CACNA1B: variants seen among roughly 807,000 people sequenced by gnomAD.
The protein encoded by CACNA1B is calcium voltage-gated channel subunit alpha1 B, also known as voltage-dependent N-type calcium channel subunit alpha-1B.
In CACNA1B, 70 loss-of-function variants were observed where a neutral mutation model predicts 247.2. The ratio of observed to expected loss-of-function variants is 0.28; its 90% CI spans 0.23 to 0.35. The LOEUF (loss-of-function observed/expected upper bound fraction) is 0.35. Ranked by LOEUF, CACNA1B falls within the 10% of genes least tolerant of loss-of-function variation. The pLI, the probability that CACNA1B is intolerant of heterozygous loss-of-function variation, is 1.00. For missense variants in CACNA1B, 2,367 were observed against 3,197.4 expected (o/e 0.74, Z 6.26); for synonymous variants, 1,231 against 1,294.4 (o/e 0.95, Z 1.05).
intron 6 of CACNA1B, among the ~76,000 whole-genome samples, chr9:137,951,882 T>C (rs1957881555): frequency 6.6e-6 from 1 of 152,202 alleles, no homozygotes; most frequent in Non-Finnish European, 1.5e-5. Flanking sequence ...AGGACATGGC[T>C]TTGGAGCTGC....
At chr9:138,093,839 G>A (rs1209490435) in intron 36 of CACNA1B, among the ~76,000 whole-genome samples, 1 of 152,156 alleles carries the variant, frequency 6.6e-6, no homozygotes, top group African/African-American at 2.4e-5. Context: ...ACTGTAAAAT[G>A]GTGGTGTGGA....
chr9:138,113,970 T>A (rs1386134185), intron 40 of CACNA1B, among the ~76,000 whole-genome samples: 15 of 94,204 alleles, frequency 1.6e-4, no homozygotes, highest in South Asian at 3.4e-4. Flanking sequence ...GCCCAACTCC[T>A]CCTTGTGGGA....
chr9:137,951,307 C>G (rs1957875369), intron 6 of CACNA1B, among the ~76,000 whole-genome samples: 1 of 152,234 alleles, frequency 6.6e-6, no homozygotes, highest in South Asian at 2.1e-4. Context: ...AGCTTCAGTC[C>G]ATGCAGGGGT....
Position 138,051,673 on chromosome 9 carries a change from T to C in CACNA1B, c.3711-419T>C, listed in dbSNP as rs1959285885. Among the ~76,000 whole-genome samples, 1 of 152,018 alleles carries C rather than the reference T, an allele frequency of 6.6e-6. No individual in the cohort carries two copies. Among genetic ancestry groups the C allele is most frequent in the Non-Finnish European group, 1.5e-5 (1 of 68,000 alleles). On this transcript the variant is annotated intron_variant, in intron 24 of 46. Coordinates refer to ENST00000371372, the MANE Select transcript of CACNA1B (RefSeq NM_000718.4). This position sits in a 1 kb window ranked among gnomAD's most constrained non-coding sequence, Gnocchi z 4.3. ...GCCAGACAGGTCCCCTTTACCTCCC[T>C]CTAGCCAGCCCAAAAAGCAAGGAAA...
rs1478897372 is a variant in CACNA1B, at chr9:137,882,380, C to T, written c.391-364C>T. 2.6e-5 allele frequency among the ~76,000 whole-genome samples: 4 copies of T among 152,202 alleles called. No homozygotes were observed. The highest frequency in any genetic ancestry group is 4.4e-5 in the Non-Finnish European group (3 of 68,046). ...GCACCCACAACTAGTACTGTTACATCACTGTCTTCCCCGAAGCAAGGCCCA... is the reference window on the plus strand; with the variant it reads ...GCACCCACAACTAGTACTGTTACATTACTGTCTTCCCCGAAGCAAGGCCCA... On this transcript the variant is annotated intron_variant, in intron 2 of 46. Transcript: ENST00000371372. This position sits in a 1 kb window ranked among gnomAD's most constrained non-coding sequence, Gnocchi z 4.0.
In CACNA1B at chr9:138,120,618, C is replaced by T. The variant is rs529239536; in HGVS notation, c.6239-13C>T. 3.0e-5 allele frequency: 44 copies of T among 1,484,802 alleles called. No individual in the cohort carries two copies. In the South Asian group the frequency reaches 3.9e-4, roughly 13 times the overall value. 92.0% of individuals were successfully genotyped at this position (1,484,802 alleles called of 1,614,324 possible). A position where few individuals can be genotyped will look rare whatever the true frequency, so the allele number is the denominator to read the frequency against. On this transcript the variant is annotated splice_polypyrimidine_tract_variant and intron_variant, in intron 45 of 46. Transcript: ENST00000371372. ...GGGCCTGGCCGTGCTAACTTCTTCT[C>T]TTCCCTGGCCAGCACCAAGCAGTGC... is the stretch of plus-strand genomic sequence containing the variant.
intron 3 of CACNA1B, among the ~76,000 whole-genome samples, chr9:137,904,365 T>G (rs1228121244): frequency 1.4e-5 from 2 of 143,000 alleles, no homozygotes; most frequent in East Asian, 4.0e-4. Context: ...TTTTTTTTTT[T>G]TTTTTTTTTG....
rs59632918 is a variant in CACNA1B, at chr9:137,962,313, A to ATTT, written c.1333+4637_1333+4639dup. On this transcript the variant is annotated intron_variant, in intron 10 of 46. Transcript: ENST00000371372. The stretch of plus-strand genomic sequence containing the variant: ...AGCTAGTGGTCTATCTATTTTATTA[A>ATTT]TTTTTTTTTTTTTCAAAAAACTAGC... Among the ~76,000 whole-genome samples the ATTT allele has an allele frequency of 6.2e-5, 8 of 128,086 alleles. No individual in the cohort carries two copies. In the East Asian group the frequency reaches 8.5e-4, roughly 14 times the overall value. The allele number at this position is 128,086 out of a possible 152,430, so 84.0% of individuals were successfully genotyped here.
At chr9:137,884,957 T>TCCCCCC (rs370592773) in intron 3 of CACNA1B, among the ~76,000 whole-genome samples, 3 of 60,466 alleles carry the variant, frequency 5.0e-5, no homozygotes, top group Non-Finnish European at 9.9e-5. Flanking sequence ...TCTCCCCTCT[T>TCCCCCC]CCCCCCCCCC....
intron 31 of CACNA1B, among the ~76,000 whole-genome samples, chr9:138,065,895 TG>T (rs1959898058): frequency 6.6e-6 from 1 of 152,132 alleles, no homozygotes; most frequent in Non-Finnish European, 1.5e-5. Context: ...GCAGTTTTAA[TG>T]CTACAGCACA....
At chr9:137,878,487 C>G (rs1240587383) in intron 1 of CACNA1B, among the ~76,000 whole-genome samples, 2 of 152,184 alleles carry the variant, frequency 1.3e-5, no homozygotes, top group Non-Finnish European at 1.5e-5. Flanking sequence ...CAGTGCGCGG[C>G]TAGCCTGGAG....
intron 36 of CACNA1B, among the ~76,000 whole-genome samples, chr9:138,094,456 AAAAG>A (rs1461560698): frequency 1.4e-5 from 2 of 147,670 alleles, no homozygotes; most frequent in South Asian, 4.4e-4. Context: ...AAAAAAAAAA[AAAAG>A]AAGAAGAAGA....
chr9:138,112,555 C>T (rs755555419), intron 40 of CACNA1B, 50 bp downstream of exon 40: 1 of 1,246,968 alleles, frequency 8.0e-7, no homozygotes, highest in Non-Finnish European at 1.2e-6. Flanking sequence ...TACTGTCCCA[C>T]CCAGAGTGGC....
At chr9:137,943,002 T>C (rs1440433058) in intron 6 of CACNA1B, among the ~76,000 whole-genome samples, 1 of 152,152 alleles carries the variant, frequency 6.6e-6, no homozygotes, top group Admixed American at 6.5e-5. Context: ...CTGGCCTGAT[T>C]TTGGGTTGCT....
chr9:138,034,801 T>C (rs1302275744), intron 20 of CACNA1B, among the ~76,000 whole-genome samples: 1 of 152,210 alleles, frequency 6.6e-6, no homozygotes, highest in African/African-American at 2.4e-5. Flanking sequence ...AGTCCCCCCT[T>C]ATCCATGGTT....
intron 12 of CACNA1B, among the ~76,000 whole-genome samples, chr9:137,981,698 C>T (rs981999557): frequency 2.0e-5 from 3 of 152,294 alleles, no homozygotes; most frequent in Admixed American, 6.5e-5. Context: ...GGGCTGGTCC[C>T]GAACTCCTGA....
In CACNA1B at chr9:137,976,632, G is replaced by C. The variant is rs536136751; in HGVS notation, c.1656+613G>C. Among the ~76,000 whole-genome samples the C allele has an allele frequency of 1.9e-4, 28 of 150,772 alleles. No homozygotes were observed. In the South Asian group the frequency reaches 6.0e-3, roughly 32 times the overall value. On this transcript the variant is annotated intron_variant, in intron 12 of 46. Transcript: ENST00000371372. Reference sequence around the variant, plus strand: ...TAGGTGGGGAGGCCTTGGAGGCAGTGTGTTTCCCAGCTTACCATGACAGCT... The same window carrying C: ...TAGGTGGGGAGGCCTTGGAGGCAGTCTGTTTCCCAGCTTACCATGACAGCT...
chr9:137,910,304 A>G (rs1422635535), intron 3 of CACNA1B, among the ~76,000 whole-genome samples: 2 of 152,128 alleles, frequency 1.3e-5, no homozygotes, highest in African/African-American at 2.4e-5. Context: ...TATTAGAGAT[A>G]TGATTTGCAG....
In CACNA1B at chr9:137,955,898, G is replaced by A; in HGVS notation, c.1186+85G>A. 1 of 899,264 alleles carries A rather than the reference G, an allele frequency of 1.1e-6. No individual in the cohort carries two copies. The allele number at this position is 899,264 out of a possible 1,614,324, so 55.7% of individuals were successfully genotyped here. A position where few individuals can be genotyped will look rare whatever the true frequency, so the allele number is the denominator to read the frequency against. The stretch of plus-strand genomic sequence containing the variant: ...ATTCTGCTCTGCTGCCAGCTGGGGT[G>A]CCCTGGCTGCTGGGTAGAGCCTGAA... On this transcript the variant is annotated intron_variant, in intron 8 of 46. Transcript: ENST00000371372. This position sits in a 1 kb window ranked among gnomAD's most constrained non-coding sequence, Gnocchi z 6.9.
Sources: gnomAD v4.1 joint callset for allele counts (sites outside exome capture counted in the v4.1 genomes callset) on GRCh38, gnomAD v4.1.1 for gene constraint, Gnocchi (gnomAD v3.1) non-coding constraint, MANE v1.5 for transcripts, NCBI Gene and HGNC (gene_info 2026-07-23, HGNC 2026-07-21) for gene names.